Variants in MFN1 observed in about 807,000 individuals in gnomAD.
MFN1 encodes the protein mitofusin 1, also known as mitofusin-1.
MFN1 carries 65 observed loss-of-function variants against 92.4 expected under a neutral mutation model. The observed-to-expected ratio is 0.70, with a 90% CI of 0.58 to 0.86. MFN1 has a LOEUF of 0.86. Among genes scored for constraint, MFN1 ranks in the 40% least tolerant of loss-of-function variants. The probability of loss-of-function intolerance (pLI) is 0.00; values close to 1 mark genes in which losing one functional copy is unlikely to be tolerated. For synonymous variants in MFN1, 297 were observed against 300.9 expected (o/e 0.99, Z 0.13); for missense variants, 781 against 868.0 (o/e 0.90, Z 1.26).
At chr3:179,379,323 T>C (rs1713376783) in intron 14 of MFN1, among the ~76,000 whole-genome samples, 1 of 152,184 alleles carries the variant, frequency 6.6e-6, no homozygotes, top group African/African-American at 2.4e-5. Context: ...TTTTCTCTGG[T>C]GTAAAGATAC....
Position 179,378,233 on chromosome 3 carries a change from A to AT in MFN1, c.1330-108_1330-107insT, listed in dbSNP as rs397687286. On this transcript the variant is annotated intron_variant, in intron 12 of 17. Coordinates refer to ENST00000471841, the MANE Select transcript of MFN1 (RefSeq NM_033540.3). Reference sequence around the variant, plus strand: ...GACCCTGTCTCAAAAAAAAAAAAAAAGTCAAATTAAAAAGACCATTTTGGC... The same window carrying AT: ...GACCCTGTCTCAAAAAAAAAAAAAAATGTCAAATTAAAAAGACCATTTTGGC... The AT allele has an allele frequency of 4.6e-6, 4 of 860,344 alleles. No homozygotes were observed. In the African/African-American group the frequency reaches 7.0e-5, roughly 15 times the overall value. 53.3% of individuals were successfully genotyped at this position (860,344 alleles called of 1,614,324 possible).
intron 9 of MFN1, among the ~76,000 whole-genome samples, chr3:179,370,696 C>T (rs1484364857): frequency 6.6e-6 from 1 of 152,148 alleles, no homozygotes; most frequent in Non-Finnish European, 1.5e-5. Flanking sequence ...AGGCGTGAGC[C>T]ACCGTGCCTG....
chr3:179,373,889 G>T (rs1367657332), intron 9 of MFN1, among the ~76,000 whole-genome samples: 1 of 151,946 alleles, frequency 6.6e-6, no homozygotes, highest in Non-Finnish European at 1.5e-5. Flanking sequence ...TAGCCTGGAT[G>T]GTCTCAATCT....
In MFN1 at chr3:179,348,957, G is replaced by C. The variant is rs1452413600; in HGVS notation, c.106G>C (p.Val36Leu). 1.9e-6 allele frequency: 3 copies of C among 1,584,662 alleles called. No individual in the cohort carries two copies. The highest frequency in any genetic ancestry group is 2.7e-5 in the African/African-American group (2 of 74,468). The change falls in exon 2 of 18, where the codon GTT (valine) becomes CTT (leucine). Residue 36 changes from valine (V) to leucine (L), a missense_variant. Coordinates refer to ENST00000471841, the MANE Select transcript of MFN1 (RefSeq NM_033540.3). ...GTTTGTTACTGAAGGATCACATTTT[G>C]TTGAAGGTTAGTTCTTCTTAAGTTT... ...LEFVTEGSHF[V>L]EATYKNPELD... is the part of the protein sequence containing the mutation.
At position 179,378,804 on chromosome 3, in the gene MFN1, C is replaced by T; in HGVS notation, c.1652C>T (p.Pro551Leu). Residue 551 changes from proline to leucine, a missense_variant, in exon 14 of 18, where the codon CCT becomes CTT. Physicochemically the swap from Pro to Leu is moderately conservative, Grantham distance 98. Coordinates refer to ENST00000471841, the MANE Select transcript of MFN1 (RefSeq NM_033540.3). ...AQRVLLGLSE[P>L]IFQLPRSLAS... ...AGGGTGCTCCTAGGATTATCAGAGCCTATCTTTCAGGTATGTATCTTTGAA... is the reference window on the plus strand; with the variant it reads ...AGGGTGCTCCTAGGATTATCAGAGCTTATCTTTCAGGTATGTATCTTTGAA... The T allele has an allele frequency of 1.2e-6, 2 of 1,610,074 alleles. No individual in the cohort carries two copies. The highest frequency in any genetic ancestry group is 1.7e-6 in the Non-Finnish European group (2 of 1,176,610).
intron 3 of MFN1, among the ~76,000 whole-genome samples, chr3:179,357,325 A>T (rs1376526209): frequency 6.6e-6 from 1 of 152,172 alleles, no homozygotes; most frequent in Non-Finnish European, 1.5e-5. Flanking sequence ...CCGGCATGTA[A>T]TTCTTGTTAA....
At chr3:179,366,639 C>T (rs1038740953) in intron 7 of MFN1, among the ~76,000 whole-genome samples, 1 of 152,114 alleles carries the variant, frequency 6.6e-6, no homozygotes, top group Admixed American at 6.6e-5. Flanking sequence ...TTTATATCCT[C>T]CTGTCATTAA....
At chr3:179,350,715 C>A (rs1422194293) in intron 2 of MFN1, among the ~76,000 whole-genome samples, 1 of 152,140 alleles carries the variant, frequency 6.6e-6, no homozygotes, top group Non-Finnish European at 1.5e-5. Context: ...CCGTTATTCA[C>A]CAAATTGCAC....
intron 14 of MFN1, among the ~76,000 whole-genome samples, chr3:179,381,094 T>G (rs1246977843): frequency 6.6e-6 from 1 of 152,244 alleles, no homozygotes; most frequent in Non-Finnish European, 1.5e-5. Context: ...GTGATTATGA[T>G]AATGGTGATA....
Position 179,348,961 on chromosome 3 carries a change from A to G in MFN1, c.110A>G (p.Glu37Gly). Residue 37 changes from glutamate (E) to glycine (G), a missense_variant and splice_region_variant, in exon 2 of 18, where the codon GAA (glutamate) becomes GGA (glycine). Coordinates refer to ENST00000471841, the MANE Select transcript of MFN1 (RefSeq NM_033540.3). ...GTTACTGAAGGATCACATTTTGTTG[A>G]AGGTTAGTTCTTCTTAAGTTTTTAA... ...EFVTEGSHFV[E>G]ATYKNPELDR... 6.3e-7 allele frequency: 1 copy of G among 1,584,554 alleles called. No homozygotes were observed. The highest frequency in any genetic ancestry group is 8.6e-7 in the Non-Finnish European group (1 of 1,157,578).
intron 10 of MFN1, 101 bp downstream of exon 10, chr3:179,375,442 T>C: frequency 1.4e-6 from 2 of 1,414,098 alleles, no homozygotes; most frequent in Non-Finnish European, 2.0e-6. Flanking sequence ...CTTTTTACAC[T>C]GAAATCAACC....
At chr3:179,371,591 T>G (rs1299918169) in intron 9 of MFN1, among the ~76,000 whole-genome samples, 1 of 152,212 alleles carries the variant, frequency 6.6e-6, no homozygotes, top group Non-Finnish European at 1.5e-5. Flanking sequence ...ATTTGGAAAG[T>G]TTCAAAATGC....
rs369815541 is a variant in MFN1 at position 179,378,409 on chromosome 3, C to T, written c.1398C>T (p.Asn466=). ...CTGATCGATGCACCGATGAAGTAAA[C>T]GCCTTAGTGCTTCAGACCCAGCAAG... ...NLADRCTDEV[N]ALVLQTQQEI... Residue 466 remains asparagine, a synonymous_variant, in exon 13 of 18, where the codon AAC becomes AAT. Coordinates refer to ENST00000471841, the MANE Select transcript of MFN1 (RefSeq NM_033540.3). 2.5e-6 allele frequency: 4 copies of T among 1,605,316 alleles called. No homozygotes were observed. The highest frequency in any genetic ancestry group is 3.4e-6 in the Non-Finnish European group (4 of 1,177,726).
chr3:179,392,297 C>G lies in MFN1; in HGVS notation c.*238C>G, dbSNP rs1713934158. Reference sequence around the variant, plus strand: ...GCTAAAATCATGAATTAGTTACAAGCAACAGTACCAACTTATGTGACCCCT... The same window carrying G: ...GCTAAAATCATGAATTAGTTACAAGGAACAGTACCAACTTATGTGACCCCT... On this transcript the variant is annotated 3_prime_UTR_variant, in exon 18 of 18. Transcript: ENST00000471841. 2 of 324,864 alleles carry G rather than the reference C, an allele frequency of 6.2e-6. No homozygotes were observed. The highest frequency in any genetic ancestry group is 1.1e-5 in the Non-Finnish European group (2 of 178,868). The allele number at this position is 324,864 out of a possible 1,614,324, so 20.1% of individuals were successfully genotyped here. A position where few individuals can be genotyped will look rare whatever the true frequency, so the allele number is the denominator to read the frequency against.
At chr3:179,376,975 T>TCCCTTGCTGAAATG (rs1713263636) in intron 10 of MFN1, 67 bp from the exon 11 acceptor site, 1 of 1,528,114 alleles carries the variant, frequency 6.5e-7, no homozygotes, top group Admixed American at 2.0e-5. Flanking sequence ...CATGAATGAG[T>TCCCTTGCTGAAATG]CCCTTGCTGA....
intron 6 of MFN1, 87 bp downstream of exon 6, chr3:179,364,492 C>G: frequency 9.4e-7 from 1 of 1,061,704 alleles, no homozygotes; most frequent in Admixed American, 2.2e-5. Flanking sequence ...AAATCCATAT[C>G]GTGGATTAGA....
intron 9 of MFN1, among the ~76,000 whole-genome samples, chr3:179,370,063 A>G (rs1712960937): frequency 6.6e-6 from 1 of 152,138 alleles, no homozygotes; most frequent in Non-Finnish European, 1.5e-5. Context: ...AAGAGACAAA[A>G]CATTTTTTGT....
intron 10 of MFN1, 154 bp from the exon 11 acceptor site, chr3:179,376,888 A>G: frequency 1.6e-6 from 1 of 614,766 alleles, no homozygotes; most frequent in Non-Finnish European, 2.7e-6. Flanking sequence ...ATACTTTATA[A>G]GTGAAATATT....
At chr3:179,354,718 C>T (rs1375205580) in intron 3 of MFN1, among the ~76,000 whole-genome samples, 1 of 152,188 alleles carries the variant, frequency 6.6e-6, no homozygotes, top group Non-Finnish European at 1.5e-5. Flanking sequence ...GTATGCCAAA[C>T]AAAGGGTGGA....
Sources: allele counts gnomAD v4.1 joint callset (sites outside exome capture counted in the v4.1 genomes callset), GRCh38; gene constraint gnomAD v4.1.1; transcripts MANE v1.5; gene names NCBI Gene and HGNC (gene_info 2026-07-23, HGNC 2026-07-21).